Variants in FAM13C observed in about 807,000 individuals in gnomAD.
FAM13C encodes the protein family with sequence similarity 13 member C, also known as protein FAM13C.
Under a neutral mutation model 73.2 loss-of-function variants are expected in FAM13C, and 37 were observed. The ratio of observed to expected loss-of-function variants is 0.51; its 90% CI spans 0.39 to 0.67. The LOEUF (loss-of-function observed/expected upper bound fraction) is 0.67. Ranked by LOEUF, FAM13C falls within the 30% of genes least tolerant of loss-of-function variation. FAM13C has a pLI of 0.00. For synonymous variants in FAM13C, 246 were observed against 260.9 expected (o/e 0.94, Z 0.55); for missense variants, 589 against 715.6 (o/e 0.82, Z 2.02).
intron 4 of FAM13C, among the ~76,000 whole-genome samples, chr10:59,306,822 T>C (rs531589860): frequency 2.0e-5 from 3 of 152,302 alleles, no homozygotes; most frequent in East Asian, 1.9e-4. Flanking sequence ...TGCAGTGAGC[T>C]GAGATCGTGC....
At chr10:59,358,359 C>T (rs1855974908) in intron 1 of FAM13C, among the ~76,000 whole-genome samples, 1 of 152,152 alleles carries the variant, frequency 6.6e-6, no homozygotes, top group Admixed American at 6.5e-5. Flanking sequence ...GCCTGGGCAA[C>T]AGAGTGAGAC....
chr10:59,293,297 C>A (rs1007914820), intron 5 of FAM13C, among the ~76,000 whole-genome samples: 22 of 151,916 alleles, frequency 1.4e-4, no homozygotes, highest in African/African-American at 5.3e-4. Context: ...TGGATGGTCT[C>A]GATCTCCTGA....
chr10:59,349,657 G>T (rs867375900), intron 3 of FAM13C, among the ~76,000 whole-genome samples: 1 of 152,136 alleles, frequency 6.6e-6, no homozygotes, highest in Non-Finnish European at 1.5e-5. Flanking sequence ...CCATTACTTG[G>T]GAGGTTGAGG....
At position 59,304,757 on chromosome 10, in the gene FAM13C, A is replaced by T. The variant is rs376905203; in HGVS notation, c.444-1893T>A. ...TTGTACCCTGAACTTAAAATAAATA[A>T]AAAGAGGGAAGGGAAGGGAAGGGAA... On this transcript the variant is annotated intron_variant, in intron 4 of 13. Coordinates refer to ENST00000618804, the MANE Select transcript of FAM13C (RefSeq NM_198215.4). Among the ~76,000 whole-genome samples, 8 of 138,474 alleles carry T rather than the reference A, an allele frequency of 5.8e-5. No individual in the cohort carries two copies. In the East Asian group the frequency reaches 1.3e-3, roughly 23 times the overall value. The allele number at this position is 138,474 out of a possible 152,430, so 90.8% of individuals were successfully genotyped here. A position where few individuals can be genotyped will look rare whatever the true frequency, so the allele number is the denominator to read the frequency against.
chr10:59,248,436 A>G (rs1466609778), intron 13 of FAM13C, among the ~76,000 whole-genome samples: 3 of 152,206 alleles, frequency 2.0e-5, no homozygotes, highest in Admixed American at 6.5e-5. Flanking sequence ...TACTTGGAAG[A>G]ATAACTTGGT....
intron 6 of FAM13C, 84 bp downstream of exon 6, chr10:59,283,279 G>A (rs569699495): frequency 1.0e-4 from 150 of 1,436,446 alleles, no homozygotes; most frequent in Non-Finnish European, 1.4e-4. Flanking sequence ...TTTTCCCTCA[G>A]GGGCTCAGGC....
At chr10:59,285,588 G>T (rs1383248713) in intron 5 of FAM13C, among the ~76,000 whole-genome samples, 2 of 152,168 alleles carry the variant, frequency 1.3e-5, no homozygotes, top group Non-Finnish European at 2.9e-5. Context: ...CAATTTCATT[G>T]CTGCATATCT....
intron 8 of FAM13C, among the ~76,000 whole-genome samples, chr10:59,268,181 T>C (rs1341503331): frequency 1.3e-5 from 2 of 150,272 alleles, no homozygotes; most frequent in African/African-American, 4.9e-5. Context: ...AATAAGTTCT[T>C]ATCAAAATGC....
At chr10:59,304,828 A>AGGGGGC (rs1848054828) in intron 4 of FAM13C, among the ~76,000 whole-genome samples, 3 of 2,610 alleles carry the variant, frequency 1.1e-3, no homozygotes. Context: ...GGGGAAGGGG[A>AGGGGGC]GGGGGCGGGG....
chr10:59,257,431 G>A (rs965491895), intron 10 of FAM13C, among the ~76,000 whole-genome samples: 2 of 152,206 alleles, frequency 1.3e-5, no homozygotes, highest in Non-Finnish European at 2.9e-5. Context: ...TTTCCCGCAT[G>A]GGAGTGGTGC....
At chr10:59,303,728 G>A (rs1847874908) in intron 4 of FAM13C, among the ~76,000 whole-genome samples, 1 of 152,142 alleles carries the variant, frequency 6.6e-6, no homozygotes, top group Non-Finnish European at 1.5e-5. Flanking sequence ...ACAGGGGAGG[G>A]ATAAGGAAGT....
Position 59,323,897 on chromosome 10 carries a change from G to A in FAM13C, c.443+91C>T. 7 of 1,108,660 alleles carry A rather than the reference G, an allele frequency of 6.3e-6. No individual in the cohort carries two copies. In the South Asian group the frequency reaches 8.7e-5, roughly 14 times the overall value. The allele number at this position is 1,108,660 out of a possible 1,614,324, so 68.7% of individuals were successfully genotyped here. ...AAGGAATGCCAGCAAAAGTCAGAAAGCCTTGCCTCTTGTGTGGGAGTGGCA... is the reference window on the plus strand; with the variant it reads ...AAGGAATGCCAGCAAAAGTCAGAAAACCTTGCCTCTTGTGTGGGAGTGGCA... On this transcript the variant is annotated intron_variant, in intron 4 of 13. Coordinates refer to ENST00000618804, the MANE Select transcript of FAM13C (RefSeq NM_198215.4).
intron 6 of FAM13C, among the ~76,000 whole-genome samples, chr10:59,276,591 A>G (rs1844346175): frequency 6.6e-6 from 1 of 152,212 alleles, no homozygotes; most frequent in Non-Finnish European, 1.5e-5. Flanking sequence ...AAGTTCTGCA[A>G]GGAACTATCT....
At chr10:59,280,161 G>A (rs1844771009) in intron 6 of FAM13C, among the ~76,000 whole-genome samples, 1 of 152,186 alleles carries the variant, frequency 6.6e-6, no homozygotes, top group African/African-American at 2.4e-5. Flanking sequence ...TACAAGTAGG[G>A]TGACCAACTG....
chr10:59,265,883 T>C (rs542443676), intron 8 of FAM13C, among the ~76,000 whole-genome samples: 1 of 152,304 alleles, frequency 6.6e-6, no homozygotes, highest in Non-Finnish European at 1.5e-5. Flanking sequence ...TCTTCAAGAC[T>C]TTTAACTTCT....
intron 1 of FAM13C, among the ~76,000 whole-genome samples, chr10:59,358,885 ATAG>A (rs1856041878): frequency 6.6e-6 from 1 of 152,236 alleles, no homozygotes; most frequent in Admixed American, 6.5e-5. Flanking sequence ...AAGCTCACAG[ATAG>A]AGCAACTGAA....
intron 7 of FAM13C, among the ~76,000 whole-genome samples, chr10:59,269,665 A>G (rs1466129226): frequency 6.6e-6 from 1 of 152,144 alleles, no homozygotes; most frequent in African/African-American, 2.4e-5. Flanking sequence ...ATGTTCAAAC[A>G]TGTGAGCCGC....
At chr10:59,314,783 C>T (rs1449772327) in intron 4 of FAM13C, among the ~76,000 whole-genome samples, 1 of 152,074 alleles carries the variant, frequency 6.6e-6, no homozygotes, top group Non-Finnish European at 1.5e-5. Flanking sequence ...GCTACTGGAC[C>T]CCTGAGAGGC....
At chr10:59,270,610 AATC>A (rs1387200169) in intron 6 of FAM13C, among the ~76,000 whole-genome samples, 1 of 152,198 alleles carries the variant, frequency 6.6e-6, no homozygotes, top group East Asian at 1.9e-4. Context: ...ATTATTCAGC[AATC>A]ATCAAAAATG....
Sources: allele counts gnomAD v4.1 joint callset (sites outside exome capture counted in the v4.1 genomes callset), GRCh38; gene constraint gnomAD v4.1.1; transcripts MANE v1.5; gene names NCBI Gene and HGNC (gene_info 2026-07-23, HGNC 2026-07-21).